Variants in ENTPD1 observed in about 807,000 individuals in gnomAD.
The protein encoded by ENTPD1 is ATP diphosphohydrolase.
ENTPD1 carries 33 observed loss-of-function variants against 57.0 expected under a neutral mutation model. That is an observed-to-expected ratio of 0.58 (90% CI 0.44 to 0.77). ENTPD1 has a LOEUF of 0.77. Among genes scored for constraint, ENTPD1 ranks in the 30% least tolerant of loss-of-function variants. The pLI is 0.00. For synonymous variants in ENTPD1, 202 were observed against 218.8 expected (o/e 0.92, Z 0.68); for missense variants, 501 against 603.4 (o/e 0.83, Z 1.78).
rs564970696 is a variant in ENTPD1 at position 95,874,447 on chromosome 10, G to A, written c.*8064G>A. ...GGTTCCCATGGTCTTGTGCAGCTCC[G>A]CCCCTGTGGCTTTGCAGAGTACAGC... is the stretch of plus-strand genomic sequence containing the variant. On this transcript the variant is annotated 3_prime_UTR_variant, in exon 10 of 10. Coordinates refer to ENST00000371205, the MANE Select transcript of ENTPD1 (RefSeq NM_001776.6). Among the ~76,000 whole-genome samples, 45 of 152,260 alleles carry A rather than the reference G, an allele frequency of 3.0e-4. 1 individual carries two copies. Among genetic ancestry groups the A allele is most frequent in the Admixed American group, 1.5e-3 (23 of 15,296 alleles).
chr10:95,845,747 G>T, intron 6 of ENTPD1, 151 bp downstream of exon 6: 1 of 1,308,904 alleles, frequency 7.6e-7, no homozygotes. Context: ...ACTACATCTG[G>T]TTGACCCCTA....
rs1350704256 is a variant in ENTPD1, at chr10:95,844,384, T to C, written c.414-92T>C. 1.9e-6 allele frequency: 3 copies of C among 1,558,380 alleles called. No homozygotes were observed. In the African/African-American group the frequency reaches 4.1e-5, roughly 21 times the overall value. ...ATTCCAGGGCATTATGGTTCACTTC[T>C]TAGTAGCACTGTGTGGATGCTGTAG... On this transcript the variant is annotated intron_variant, in intron 4 of 9. Coordinates refer to ENST00000371205, the MANE Select transcript of ENTPD1 (RefSeq NM_001776.6).
upstream of ENTPD1, among the ~76,000 whole-genome samples, chr10:95,710,329 G>A (rs1251506393): frequency 6.6e-6 from 1 of 152,140 alleles, no homozygotes; most frequent in Non-Finnish European, 1.5e-5. Flanking sequence ...CACTTGAACA[G>A]AGGAGGTGGA....
intron 1 of ENTPD1, among the ~76,000 whole-genome samples, chr10:95,724,527 C>T (rs554432539): frequency 2.6e-5 from 4 of 152,288 alleles, no homozygotes; most frequent in African/African-American, 9.6e-5. Flanking sequence ...CTATTAGAAG[C>T]CGTGGGTCAT....
rs537113147 is a variant in ENTPD1, at chr10:95,866,813, G to GTT, written c.*432_*433dup. 385 of 1,046,072 alleles carry GTT rather than the reference G, an allele frequency of 3.7e-4. 6 individuals are homozygous for GTT. In the African/African-American group the frequency reaches 5.9e-3, roughly 16 times the overall value. 64.8% of individuals were successfully genotyped at this position (1,046,072 alleles called of 1,614,324 possible). ...CTTTAAGAACCCCTTTCTCTCTCCT[G>GTT]TTTGCCATCCATTAAGAAAGCCATA... On this transcript the variant is annotated 3_prime_UTR_variant, in exon 10 of 10. Transcript: ENST00000371205.
At chr10:95,851,668 G>C (rs536732165) in intron 7 of ENTPD1, among the ~76,000 whole-genome samples, 1 of 148,410 alleles carries the variant, frequency 6.7e-6, no homozygotes, top group South Asian at 2.1e-4. Flanking sequence ...CTATGAGTGA[G>C]AACATGCAGT....
chr10:95,872,170 G>A lies in ENTPD1; in HGVS notation c.*5787G>A, dbSNP rs533442149. Reference sequence around the variant, plus strand: ...TACCTGGACTGATACCAGGAATGGTGGTGTTGCTTCCAATCTGTTGCTGCT... The same window carrying A: ...TACCTGGACTGATACCAGGAATGGTAGTGTTGCTTCCAATCTGTTGCTGCT... On this transcript the variant is annotated 3_prime_UTR_variant, in exon 10 of 10. Coordinates refer to ENST00000371205, the MANE Select transcript of ENTPD1 (RefSeq NM_001776.6). 1.1e-5 allele frequency: 11 copies of A among 985,408 alleles called. No individual in the cohort carries two copies. In the South Asian group the frequency reaches 3.8e-4, roughly 34 times the overall value. 61.0% of individuals were successfully genotyped at this position (985,408 alleles called of 1,614,324 possible).
intron 7 of ENTPD1, among the ~76,000 whole-genome samples, chr10:95,850,053 G>C (rs1378055607): frequency 6.6e-6 from 1 of 152,224 alleles, no homozygotes; most frequent in Non-Finnish European, 1.5e-5. Flanking sequence ...TTAGGGGACT[G>C]AAATTTCTTG....
chr10:95,843,922 C>T (rs1356490837), intron 4 of ENTPD1, among the ~76,000 whole-genome samples: 1 of 152,172 alleles, frequency 6.6e-6, no homozygotes, highest in African/African-American at 2.4e-5. Context: ...CTTTAGGTCT[C>T]AAGGTCTCAA....
chr10:95,825,694 C>A (rs1160752160), intron 2 of ENTPD1, among the ~76,000 whole-genome samples: 2 of 152,256 alleles, frequency 1.3e-5, no homozygotes, highest in Admixed American at 6.5e-5. Flanking sequence ...TCTCCTGCCT[C>A]AGCCTCCCAA....
chr10:95,861,399 A>G (rs970692284), intron 8 of ENTPD1: 5 of 152,252 alleles, frequency 3.3e-5, no homozygotes, highest in African/African-American at 1.2e-4. Context: ...ACATAGCTCA[A>G]AACAGCAGCT....
intron 1 of ENTPD1, among the ~76,000 whole-genome samples, chr10:95,789,837 C>G (rs1204748489): frequency 6.6e-6 from 1 of 152,204 alleles, no homozygotes; most frequent in South Asian, 2.1e-4. Flanking sequence ...ACATACTATA[C>G]TACTGTAATA....
At position 95,869,130 on chromosome 10, in the gene ENTPD1, G is replaced by C. The variant is rs2098477525; in HGVS notation, c.*2747G>C. 4.1e-6 allele frequency: 4 copies of C among 984,418 alleles called. No homozygotes were observed. Among genetic ancestry groups the C allele is most frequent in the Non-Finnish European group, 4.8e-6 (4 of 829,852 alleles). The allele number at this position is 984,418 out of a possible 1,614,324, so 61.0% of individuals were successfully genotyped here. A position where few individuals can be genotyped will look rare whatever the true frequency, so the allele number is the denominator to read the frequency against. On this transcript the variant is annotated 3_prime_UTR_variant, in exon 10 of 10. Coordinates refer to ENST00000371205, the MANE Select transcript of ENTPD1 (RefSeq NM_001776.6). ...ATTTTCACCCAGGACTCAAAACTTG[G>C]TTCTGCTAACCCTGTTCCTTTATGA...
rs1314286771 is a variant in ENTPD1 at position 95,871,001 on chromosome 10, T to C, written c.*4618T>C. 5.1e-6 allele frequency: 5 copies of C among 985,350 alleles called. No individual in the cohort carries two copies. Among genetic ancestry groups the C allele is most frequent in the Non-Finnish European group, 6.0e-6 (5 of 829,952 alleles). The allele number at this position is 985,350 out of a possible 1,614,324, so 61.0% of individuals were successfully genotyped here. A position where few individuals can be genotyped will look rare whatever the true frequency, so the allele number is the denominator to read the frequency against. ...GGTTTCTAGGGATATGTTCTCATGATGAACCCCGCAGAGGCTCGTGAAAGT... is the reference window on the plus strand; with the variant it reads ...GGTTTCTAGGGATATGTTCTCATGACGAACCCCGCAGAGGCTCGTGAAAGT... On this transcript the variant is annotated 3_prime_UTR_variant, in exon 10 of 10. Transcript: ENST00000371205.
At chr10:95,751,470 A>T (rs1404398095), upstream of ENTPD1, among the ~76,000 whole-genome samples, 3 of 152,118 alleles carry the variant, frequency 2.0e-5, no homozygotes, top group African/African-American at 7.2e-5. Context: ...CTGTAATCCC[A>T]GGACTTTGGG....
At chr10:95,761,775 C>T (rs1311122402) in intron 1 of ENTPD1, among the ~76,000 whole-genome samples, 1 of 152,218 alleles carries the variant, frequency 6.6e-6, no homozygotes, top group Non-Finnish European at 1.5e-5. Context: ...CCCTTATTCT[C>T]TGCCTTCAAC....
At chr10:95,770,256 A>AGTGAGT (rs1555282688) in intron 1 of ENTPD1, among the ~76,000 whole-genome samples, 17 of 135,108 alleles carry the variant, frequency 1.3e-4, no homozygotes, top group Non-Finnish European at 2.3e-4. Context: ...TGAGTGAGTG[A>AGTGAGT]GTGTGTGTGT....
At position 95,828,584 on chromosome 10, in the gene ENTPD1, A is replaced by G. The variant is rs1017503603; in HGVS notation, c.144+5220A>G. Among the ~76,000 whole-genome samples, 6 of 152,324 alleles carry G rather than the reference A, an allele frequency of 3.9e-5. No individual in the cohort carries two copies. In the East Asian group the frequency reaches 1.2e-3, roughly 29 times the overall value. On this transcript the variant is annotated intron_variant, in intron 2 of 9. Transcript: ENST00000371205. ...GAGACCACTGATTTAAAGGGTGAATAGGGAAAGAATTCCTCCTAAGGCATA... is the reference window on the plus strand; with the variant it reads ...GAGACCACTGATTTAAAGGGTGAATGGGGAAAGAATTCCTCCTAAGGCATA...
intron 3 of ENTPD1, among the ~76,000 whole-genome samples, chr10:95,840,816 G>A (rs1590104401): frequency 6.6e-6 from 1 of 152,116 alleles, no homozygotes; most frequent in South Asian, 2.1e-4. Context: ...AGCCTTTTGA[G>A]CTGGGAACCC....
Sources: gnomAD v4.1 joint callset for allele counts (sites outside exome capture counted in the v4.1 genomes callset) on GRCh38, gnomAD v4.1.1 for gene constraint, MANE v1.5 for transcripts, NCBI Gene and HGNC (gene_info 2026-07-23, HGNC 2026-07-21) for gene names.